Variants in ELFN1 observed in about 807,000 individuals in gnomAD.
ELFN1 encodes protein ELFN1.
In ELFN1, 6 loss-of-function variants were observed where a neutral mutation model predicts 7.6. That is an observed-to-expected ratio of 0.79 (90% CI 0.43 to 1.56). ELFN1 has a LOEUF of 1.56. Among genes scored for constraint, ELFN1 ranks in the 40% most tolerant of loss-of-function variants. The probability of loss-of-function intolerance (pLI) is 0.01; values close to 1 mark genes in which losing one functional copy is unlikely to be tolerated. For missense variants in ELFN1, 1,169 were observed against 1,232.2 expected (o/e 0.95, Z 0.77); for synonymous variants, 657 against 588.1 (o/e 1.12, Z -1.70).
chr7:1,702,421 G>A (rs897183963), intron 2 of ELFN1, among the ~76,000 whole-genome samples: 5 of 142,344 alleles, frequency 3.5e-5, no homozygotes, highest in South Asian at 4.2e-4. Context: ...AGACTCCGTC[G>A]GGGGGGAAAA....
chr7:1,730,415 A>T (rs1336041006), intron 3 of ELFN1, among the ~76,000 whole-genome samples: 1 of 152,226 alleles, frequency 6.6e-6, no homozygotes, highest in Non-Finnish European at 1.5e-5. Context: ...ACCCGTGAAT[A>T]TTGGATCAAA....
At chr7:1,733,231 C>A (rs1027790627) in intron 3 of ELFN1, among the ~76,000 whole-genome samples, 13 of 152,310 alleles carry the variant, frequency 8.5e-5, no homozygotes, top group Admixed American at 3.9e-4. Context: ...TCAGCCAGAT[C>A]CAGCTGAGGT....
intron 2 of ELFN1, among the ~76,000 whole-genome samples, chr7:1,697,151 G>C (rs1779332983): frequency 6.6e-6 from 1 of 152,220 alleles, no homozygotes; most frequent in Non-Finnish European, 1.5e-5. Flanking sequence ...GATGAGGATG[G>C]CAACTTGTGC....
intron 3 of ELFN1, among the ~76,000 whole-genome samples, chr7:1,716,394 C>T (rs1051867412): frequency 1.6e-4 from 24 of 152,210 alleles, no homozygotes; most frequent in Non-Finnish European, 2.5e-4. Flanking sequence ...GGCATGTGCC[C>T]GGCGAGCCAT....
At chr7:1,680,860 G>C (rs1778962817) in intron 1 of ELFN1, among the ~76,000 whole-genome samples, 1 of 150,832 alleles carries the variant, frequency 6.6e-6, no homozygotes, top group Non-Finnish European at 1.5e-5. Context: ...TTCTGCCTCA[G>C]CCTCCTGAGT....
At chr7:1,671,433 C>G (rs560996250) in intron 1 of ELFN1, among the ~76,000 whole-genome samples, 2 of 152,252 alleles carry the variant, frequency 1.3e-5, no homozygotes, top group Non-Finnish European at 1.5e-5. Flanking sequence ...TCTTTGGACC[C>G]TGGCTTGGGC....
chr7:1,745,814 T>G lies in ELFN1; in HGVS notation c.1218T>G (p.Pro406=), dbSNP rs1268919281. The change falls in exon 4 of 4, where the codon CCT becomes CCG. Residue 406 remains proline, a synonymous_variant. Transcript: ENST00000424383. ...GCTTGCCCCGGCTGCCCAGCCCGCC[T>G]GGTCCGGTGCCCAGCCCCTCCACGG... The part of the protein sequence containing the change: ...TICLPRLPSP[P]GPVPSPSTAT... 1 of 1,566,966 alleles carries G rather than the reference T, an allele frequency of 6.4e-7. No individual in the cohort carries two copies. The highest frequency in any genetic ancestry group is 1.9e-5 in the Admixed American group (1 of 52,532).
intron 2 of ELFN1, among the ~76,000 whole-genome samples, chr7:1,690,294 G>T (rs919484835): frequency 6.6e-6 from 1 of 151,766 alleles, no homozygotes; most frequent in Non-Finnish European, 1.5e-5. Context: ...TAGGTGGATG[G>T]GTGGATGGGT....
intron 1 of ELFN1, among the ~76,000 whole-genome samples, chr7:1,677,516 G>T (rs1029692175): frequency 1.3e-5 from 2 of 152,210 alleles, no homozygotes; most frequent in African/African-American, 4.8e-5. Context: ...CTGTGCAGGG[G>T]TGTGTGTAGG....
At chr7:1,726,996 C>G (rs977279194) in intron 3 of ELFN1, among the ~76,000 whole-genome samples, 3 of 152,182 alleles carry the variant, frequency 2.0e-5, no homozygotes, top group African/African-American at 7.2e-5. Flanking sequence ...CAGGGGCACA[C>G]AGCAGCAGGC....
chr7:1,667,012 G>T (rs1778681739), upstream of ELFN1, among the ~76,000 whole-genome samples: 1 of 151,722 alleles, frequency 6.6e-6, no homozygotes, highest in Non-Finnish European at 1.5e-5. The surrounding 1 kb of genome is among the most constrained non-coding windows in gnomAD (Gnocchi z 8.2). Flanking sequence ...TGCCGAGTGG[G>T]GCGGGACCCC....
chr7:1,668,261 G>A (rs1310177824), upstream of ELFN1, among the ~76,000 whole-genome samples: 1 of 152,254 alleles, frequency 6.6e-6, no homozygotes, highest in African/African-American at 2.4e-5. Flanking sequence ...GCACCCCGAG[G>A]AAATGGACTC....
intron 1 of ELFN1, among the ~76,000 whole-genome samples, chr7:1,685,843 G>C (rs1779052935): frequency 6.8e-6 from 1 of 147,126 alleles, no homozygotes; most frequent in Non-Finnish European, 1.5e-5. Flanking sequence ...TTATGTCTTT[G>C]AATGTATTTA....
intron 2 of ELFN1, chr7:1,692,823 C>T (rs918261826): frequency 6.2e-6 from 1 of 161,012 alleles, no homozygotes; most frequent in Non-Finnish European, 1.4e-5. Context: ...AAACTACGGA[C>T]GTTTCTTTAA....
In ELFN1 at chr7:1,696,367, G is replaced by A. The variant is rs149196001; in HGVS notation, c.-456+8217G>A. On this transcript the variant is annotated intron_variant, in intron 2 of 3. Coordinates refer to ENST00000424383, the MANE Select transcript of ELFN1 (RefSeq NM_001128636.4). ...GAGACAGGGAGAGAGAGGGCATGCA[G>A]ATGCCCTGGTGTCTTTCTTTCTTTC... Among the ~76,000 whole-genome samples the A allele has an allele frequency of 3.3e-3, 499 of 151,724 alleles. 4 individuals carry two copies. The highest frequency in any genetic ancestry group is 0.011 in the African/African-American group (458 of 41,376).
chr7:1,667,972 G>T (rs1297068214), upstream of ELFN1, among the ~76,000 whole-genome samples: 6 of 141,046 alleles, frequency 4.3e-5, no homozygotes, highest in Admixed American at 2.1e-4. The surrounding 1 kb of genome is among the most constrained non-coding windows in gnomAD (Gnocchi z 8.2). Flanking sequence ...GGGTGGGGGG[G>T]GGGGGCGGCC....
intron 3 of ELFN1, among the ~76,000 whole-genome samples, chr7:1,725,273 C>G (rs1472907105): frequency 6.6e-6 from 1 of 152,240 alleles, no homozygotes; most frequent in Admixed American, 6.5e-5. Context: ...CAGAGGGAGG[C>G]TGCCCGGCCA....
In ELFN1 at chr7:1,746,145, A is replaced by G. The variant is rs1251106673; in HGVS notation, c.1549A>G (p.Thr517Ala). Reference protein sequence around the residue: ...EQYKLVESADTPKASKGSYME... With the variant: ...EQYKLVESADAPKASKGSYME... The stretch of plus-strand genomic sequence containing the variant: ...GTACAAGCTGGTGGAGAGCGCGGAC[A>G]CCCCCAAGGCCAGCAAGGGCAGCTA... Residue 517 changes from threonine (T) to alanine (A), a missense_variant, in exon 4 of 4, where the codon ACC becomes GCC. Coordinates refer to ENST00000424383, the MANE Select transcript of ELFN1 (RefSeq NM_001128636.4). The G allele has an allele frequency of 6.5e-7, 1 of 1,548,040 alleles. No individual in the cohort carries two copies. Among genetic ancestry groups the G allele is most frequent in the Non-Finnish European group, 8.7e-7 (1 of 1,145,734 alleles).
intron 2 of ELFN1, among the ~76,000 whole-genome samples, chr7:1,694,778 C>G (rs747845069): frequency 6.6e-6 from 1 of 152,252 alleles, no homozygotes; most frequent in Non-Finnish European, 1.5e-5. Context: ...CTTAGACTGA[C>G]TCTGAGGGCT....
Sources: gnomAD v4.1 joint callset for allele counts (sites outside exome capture counted in the v4.1 genomes callset) on GRCh38, gnomAD v4.1.1 for gene constraint, Gnocchi (gnomAD v3.1) non-coding constraint, MANE v1.5 for transcripts, NCBI Gene and HGNC (gene_info 2026-07-23, HGNC 2026-07-21) for gene names.